Variants in CDC27 observed in about 807,000 individuals in gnomAD.
The protein encoded by CDC27 is cell division cycle 27, also known as cell division cycle protein 27 homolog.
Under a neutral mutation model 109.7 loss-of-function variants are expected in CDC27, and 27 were observed. The ratio of observed to expected loss-of-function variants is 0.25; its 90% CI spans 0.18 to 0.34. The LOEUF (loss-of-function observed/expected upper bound fraction) is 0.34. Among genes scored for constraint, CDC27 ranks in the 10% least tolerant of loss-of-function variants. The pLI, the probability that CDC27 is intolerant of heterozygous loss-of-function variation, is 1.00. For missense variants in CDC27, 579 were observed against 960.2 expected, an observed-to-expected ratio of 0.60 and a Z score of 5.25; for synonymous variants, 266 against 333.9, an observed-to-expected ratio of 0.80 and a Z score of 2.22.
chr17:47,159,663 C>A, intron 4 of CDC27: 2 of 439,732 alleles, frequency 4.5e-6, no homozygotes, highest in Non-Finnish European at 8.3e-6. Context: ...ACACCCAGAC[C>A]GACGTGGCCA....
At chr17:47,147,182 C>T (rs1396941029) in intron 9 of CDC27, among the ~76,000 whole-genome samples, 4 of 151,922 alleles carry the variant, frequency 2.6e-5, no homozygotes, top group Middle Eastern at 3.2e-3. Context: ...GGGCGGATCA[C>T]GAGGTCAGGA....
chr17:47,130,940 C>T (rs2062310102), intron 15 of CDC27, among the ~76,000 whole-genome samples: 2 of 151,646 alleles, frequency 1.3e-5, no homozygotes, highest in African/African-American at 4.8e-5. Flanking sequence ...GGCTGCAGAA[C>T]TTTAACAAAT....
intron 2 of CDC27, among the ~76,000 whole-genome samples, chr17:47,177,645 C>A (rs1003557015): frequency 7.9e-5 from 12 of 152,174 alleles, no homozygotes; most frequent in Non-Finnish European, 8.8e-5. Context: ...AGACCTTAAG[C>A]AATTTTGAAC....
chr17:47,177,981 T>A (rs1171451310), intron 2 of CDC27, among the ~76,000 whole-genome samples: 1 of 152,222 alleles, frequency 6.6e-6, no homozygotes, highest in African/African-American at 2.4e-5. Context: ...CTATTCATTC[T>A]TAACAGTTAA....
At position 47,175,039 on chromosome 17, in the gene CDC27, G is replaced by GAGAGGA. The variant is rs1226717528; in HGVS notation, c.104-2976_104-2975insTCCTCT. Among the ~76,000 whole-genome samples the GAGAGGA allele has an allele frequency of 3.9e-3, 505 of 129,948 alleles. 1 individual carries two copies. The highest frequency in any genetic ancestry group is 7.4e-3 in the Middle Eastern group (2 of 272). 85.3% of individuals were successfully genotyped at this position (129,948 alleles called of 152,430 possible). The stretch of plus-strand genomic sequence containing the variant: ...AGAAAGAAAGAGAGAAAGAGAGAGA[G>GAGAGGA]AGGAAGGAAGGAAGGAAGGAAGGAA... On this transcript the variant is annotated intron_variant, in intron 2 of 18. Transcript: ENST00000066544.
Position 47,125,742 on chromosome 17 carries a change from C to A in CDC27, c.2161-1782G>T, listed in dbSNP as rs563272101. ...TATTTTTAGTAGAGATGGGGTTTCA[C>A]CATGTTGGCCAGGCTGGTCTTGAAC... On this transcript the variant is annotated intron_variant, in intron 16 of 18. Coordinates refer to ENST00000066544, the MANE Select transcript of CDC27 (RefSeq NM_001256.6). Among the ~76,000 whole-genome samples, 31 of 151,742 alleles carry A rather than the reference C, an allele frequency of 2.0e-4. No homozygotes were observed. The South Asian group carries it at 5.0e-3, about 25-fold the overall frequency.
chr17:47,129,000 G>T (rs1375844242), intron 16 of CDC27, among the ~76,000 whole-genome samples: 1 of 152,144 alleles, frequency 6.6e-6, no homozygotes, highest in Non-Finnish European at 1.5e-5. Flanking sequence ...TTGAACTCCT[G>T]ACTCAGGTGA....
At chr17:47,143,734 CA>C (rs1418807003) in intron 10 of CDC27, 148 bp downstream of exon 10, 1 of 300,292 alleles carries the variant, frequency 3.3e-6, no homozygotes, top group African/African-American at 2.2e-5. Flanking sequence ...ATTAACTTCA[CA>C]AAAATCATAG....
intron 7 of CDC27, among the ~76,000 whole-genome samples, chr17:47,155,169 G>GAT (rs1263010406): frequency 6.6e-6 from 1 of 152,172 alleles, no homozygotes; most frequent in East Asian, 1.9e-4. Context: ...TAACTCTCCA[G>GAT]AGTTGTAATC....
At chr17:47,180,243 T>C (rs1241331921) in intron 2 of CDC27, among the ~76,000 whole-genome samples, 2 of 152,216 alleles carry the variant, frequency 1.3e-5, no homozygotes, top group Non-Finnish European at 2.9e-5. Flanking sequence ...ATGGAGTAGA[T>C]TAATCTATTG....
chr17:47,149,625 T>C (rs2063093396), intron 9 of CDC27, among the ~76,000 whole-genome samples: 1 of 151,880 alleles, frequency 6.6e-6, no homozygotes, highest in African/African-American at 2.4e-5. Flanking sequence ...ATTGTAGTTA[T>C]GTGTGTAAAT....
Position 47,132,249 on chromosome 17 carries a change from C to G in CDC27, c.2031+8G>C. ...TAATAGAGTATTAATGTTTAGAAAGCTACTTACTACTCCAATGTGGCAAAG... is the reference window on the plus strand; with the variant it reads ...TAATAGAGTATTAATGTTTAGAAAGGTACTTACTACTCCAATGTGGCAAAG... On this transcript the variant is annotated splice_region_variant and intron_variant, in intron 15 of 18. Coordinates refer to ENST00000066544, the MANE Select transcript of CDC27 (RefSeq NM_001256.6). 7.7e-7 allele frequency: 1 copy of G among 1,295,076 alleles called. No homozygotes were observed. The highest frequency in any genetic ancestry group is 1.1e-6 in the Non-Finnish European group (1 of 905,874). The allele number at this position is 1,295,076 out of a possible 1,614,324, so 80.2% of individuals were successfully genotyped here.
At chr17:47,155,611 ATT>A (rs1023394778) in intron 7 of CDC27, among the ~76,000 whole-genome samples, 3 of 152,070 alleles carry the variant, frequency 2.0e-5, no homozygotes, top group Non-Finnish European at 4.4e-5. Flanking sequence ...GAGTTCCTGT[ATT>A]TATACATACA....
chr17:47,173,286 A>G (rs1766328712), intron 2 of CDC27, among the ~76,000 whole-genome samples: 1 of 152,116 alleles, frequency 6.6e-6, no homozygotes, highest in Non-Finnish European at 1.5e-5. Context: ...ATGAAACCAC[A>G]GTGTAAAAAA....
chr17:47,150,621 GTATC>G (rs1287313498), intron 9 of CDC27, among the ~76,000 whole-genome samples: 1 of 152,178 alleles, frequency 6.6e-6, no homozygotes, highest in Non-Finnish European at 1.5e-5. Flanking sequence ...AAGAGAATAA[GTATC>G]TGTTGTTTTA....
chr17:47,155,777 C>G (rs988475043), intron 7 of CDC27, among the ~76,000 whole-genome samples: 9 of 151,992 alleles, frequency 5.9e-5, no homozygotes, highest in African/African-American at 2.2e-4. Context: ...ACAGCAAGAC[C>G]CCATCTCTAC....
chr17:47,170,509 T>C (rs941054686), intron 3 of CDC27: 1 of 152,234 alleles, frequency 6.6e-6, no homozygotes, highest in Non-Finnish European at 1.5e-5. Flanking sequence ...AAAAAAATTT[T>C]TTTTAATTAC....
In CDC27 at chr17:47,157,385, CTGTG is replaced by C; in HGVS notation, c.476-5_476-2del. On this transcript the variant is annotated splice_acceptor_variant and splice_polypyrimidine_tract_variant and intron_variant, in intron 5 of 18. Coordinates refer to ENST00000066544, the MANE Select transcript of CDC27 (RefSeq NM_001256.6). LOFTEE classifies it high-confidence loss of function. Reference sequence around the variant, plus strand: ...GTTTGGTCAGGATCTGGCTTTTCACCTGTGAAGACAAAAAAAAAAAAAGTTTGTC... The same window carrying C: ...GTTTGGTCAGGATCTGGCTTTTCACCAAGACAAAAAAAAAAAAAGTTTGTC... 6.4e-7 allele frequency: 1 copy of C among 1,553,124 alleles called. No individual in the cohort carries two copies. The highest frequency in any genetic ancestry group is 2.1e-5 in the Admixed American group (1 of 48,002).
chr17:47,152,805 T>C (rs1237172788), intron 8 of CDC27, among the ~76,000 whole-genome samples: 2 of 152,238 alleles, frequency 1.3e-5, no homozygotes, highest in African/African-American at 4.8e-5. Context: ...TGAAACTTTG[T>C]GTTACTTCCA....
Sources: allele counts gnomAD v4.1 joint callset (sites outside exome capture counted in the v4.1 genomes callset), GRCh38; gene constraint gnomAD v4.1.1; transcripts MANE v1.5; gene names NCBI Gene and HGNC (gene_info 2026-07-23, HGNC 2026-07-21).